The following CCDC38 variants were observed in gnomAD, a reference collection of about 807,000 sequenced individuals.
CCDC38 encodes the protein coiled-coil domain-containing protein 38.
Under a neutral mutation model 72.8 loss-of-function variants are expected in CCDC38, and 69 were observed. That is an observed-to-expected ratio of 0.95 (90% CI 0.78 to 1.16). CCDC38 has a LOEUF of 1.16. CCDC38 is among the 50% of genes most tolerant of loss of function. CCDC38 has a pLI of 0.00. For missense variants in CCDC38, 626 were observed against 638.9 expected, an observed-to-expected ratio of 0.98 and a Z score of 0.22; for synonymous variants, 201 against 213.2, an observed-to-expected ratio of 0.94 and a Z score of 0.50.
In CCDC38 at chr12:95,872,106, A is replaced by G. The variant is rs976725368; in HGVS notation, c.1484+149T>C. The G allele has an allele frequency of 7.0e-5, 47 of 672,868 alleles. 1 individual carries two copies. 41.7% of individuals were successfully genotyped at this position (672,868 alleles called of 1,614,324 possible). A position where few individuals can be genotyped will look rare whatever the true frequency, so the allele number is the denominator to read the frequency against. ...GATGAATGATCTCCCATGCTAAATAATAGCTATATGAGGAGAGCAGGGCTG... is the reference window on the plus strand; with the variant it reads ...GATGAATGATCTCCCATGCTAAATAGTAGCTATATGAGGAGAGCAGGGCTG... On this transcript the variant is annotated intron_variant, in intron 14 of 15. Transcript: ENST00000344280.
At chr12:95,885,201 C>T (rs2079745423) in intron 10 of CCDC38, 1 of 153,092 alleles carries the variant, frequency 6.5e-6, no homozygotes, top group Non-Finnish European at 1.5e-5. Context: ...GCGGGTCCTT[C>T]CTGTTTTCTC....
chr12:95,927,143 G>T (rs1304687426), intron 2 of CCDC38, among the ~76,000 whole-genome samples: 1 of 152,094 alleles, frequency 6.6e-6, no homozygotes, highest in Admixed American at 6.5e-5. Flanking sequence ...ACAGTGGGGT[G>T]TTAAAGTCTC....
intron 5 of CCDC38, among the ~76,000 whole-genome samples, chr12:95,904,287 A>C (rs571445254): frequency 7.9e-4 from 120 of 152,356 alleles, no homozygotes; most frequent in African/African-American, 2.8e-3. Context: ...TTTGAAAACT[A>C]TTACAAGTTA....
intron 4 of CCDC38, among the ~76,000 whole-genome samples, chr12:95,908,465 G>C (rs1376094127): frequency 0.12 from 29 of 252 alleles, 1 homozygote; most frequent in African/African-American, 0.36. Flanking sequence ...GAGAGGGAGA[G>C]GGAGAGGGAG....
At chr12:95,878,725 T>C (rs1455009450) in intron 12 of CCDC38, among the ~76,000 whole-genome samples, 1 of 152,128 alleles carries the variant, frequency 6.6e-6, no homozygotes, top group Admixed American at 6.6e-5. Context: ...CACCTAAAGA[T>C]TCTGATAAGA....
chr12:95,891,033 C>T lies in CCDC38; in HGVS notation c.773-103G>A, dbSNP rs1457747597. 1.8e-5 allele frequency: 11 copies of T among 623,362 alleles called. No individual in the cohort carries two copies. In the East Asian group the frequency reaches 3.1e-4, roughly 18 times the overall value. The allele number at this position is 623,362 out of a possible 1,614,324, so 38.6% of individuals were successfully genotyped here. On this transcript the variant is annotated intron_variant, in intron 8 of 15. Coordinates refer to ENST00000344280, the MANE Select transcript of CCDC38 (RefSeq NM_182496.3). ...CTCAGGGTGAAGATAGAGTTATTGT[C>T]AAAACTTCCAGGGACAGAAATATAA...
rs544139581 is a variant in CCDC38, at chr12:95,899,205, G to A, written c.370-474C>T. Among the ~76,000 whole-genome samples, 7 of 152,298 alleles carry A rather than the reference G, an allele frequency of 4.6e-5. No individual in the cohort carries two copies. The East Asian group carries it at 1.4e-3, about 29-fold the overall frequency. ...TACCACATCTAACTGTAATCAAAGA[G>A]GCCTGTTTAGATCCCCAAACACAAC... On this transcript the variant is annotated intron_variant, in intron 5 of 15. Coordinates refer to ENST00000344280, the MANE Select transcript of CCDC38 (RefSeq NM_182496.3).
At chr12:95,931,404 C>T (rs2136739950) in intron 2 of CCDC38, among the ~76,000 whole-genome samples, 1 of 152,318 alleles carries the variant, frequency 6.6e-6, no homozygotes, top group South Asian at 2.1e-4. Context: ...TTTGCAAAGT[C>T]CCTTTTGCCA....
intron 5 of CCDC38, 73 bp from the exon 6 acceptor site, chr12:95,898,804 G>T: frequency 1.5e-6 from 2 of 1,377,024 alleles, no homozygotes; most frequent in Non-Finnish European, 1.0e-6. Context: ...CTTATACACA[G>T]CAAGTGAACA....
intron 2 of CCDC38, among the ~76,000 whole-genome samples, chr12:95,922,849 G>T (rs2080224070): frequency 6.6e-6 from 1 of 152,120 alleles, no homozygotes; most frequent in Non-Finnish European, 1.5e-5. Context: ...AAGGACCTGG[G>T]GCCAGGTGCC....
At chr12:95,919,549 C>T (rs1412165041) in intron 2 of CCDC38, 5 of 455,956 alleles carry the variant, frequency 1.1e-5, no homozygotes, top group Admixed American at 7.0e-5. Flanking sequence ...TGCAGATAGC[C>T]TTGCCTCCAC....
At chr12:95,885,277 G>A (rs1438448319) in intron 10 of CCDC38, 1 of 153,502 alleles carries the variant, frequency 6.5e-6, no homozygotes, top group African/African-American at 2.4e-5. Context: ...GGATAAAGAA[G>A]ACACTGTTTG....
At chr12:95,917,940 C>A (rs554717735) in intron 3 of CCDC38, among the ~76,000 whole-genome samples, 1 of 151,918 alleles carries the variant, frequency 6.6e-6, no homozygotes, top group Non-Finnish European at 1.5e-5. Context: ...GGGATCTCCC[C>A]AGTAGATATT....
At chr12:95,926,967 T>A (rs544133460) in intron 2 of CCDC38, among the ~76,000 whole-genome samples, 6 of 152,174 alleles carry the variant, frequency 3.9e-5, no homozygotes, top group African/African-American at 1.4e-4. Context: ...TCCAAGTATG[T>A]GGTCAATTTT....
intron 1 of CCDC38, among the ~76,000 whole-genome samples, chr12:95,939,517 G>A (rs962848505): frequency 4.6e-5 from 7 of 152,156 alleles, no homozygotes; most frequent in Admixed American, 2.6e-4. Context: ...GAGGTGGTCC[G>A]ATTCTAGATG....
chr12:95,907,061 A>T (rs2080012685), intron 4 of CCDC38, among the ~76,000 whole-genome samples: 1 of 142,646 alleles, frequency 7.0e-6, no homozygotes, highest in East Asian at 1.9e-4. Context: ...TCTGTTTAAC[A>T]AAGCACATCT....
Position 95,879,660 on chromosome 12 carries a change from C to T in CCDC38, c.1126G>A (p.Val376Ile), listed in dbSNP as rs759430338. The T allele has an allele frequency of 5.7e-6, 9 of 1,591,312 alleles. No individual in the cohort carries two copies. The highest frequency in any genetic ancestry group is 7.7e-6 in the Non-Finnish European group (9 of 1,162,646). The change falls in exon 12 of 16, where the codon GTT (valine) becomes ATT (isoleucine). Residue 376 changes from valine (V) to isoleucine (I), a missense_variant. By Grantham distance (29) the Val-to-Ile change is conservative (BLOSUM62 3). Transcript: ENST00000344280. This position sits in a 1 kb window ranked among gnomAD's most constrained non-coding sequence, Gnocchi z 5.5. ...NLEEVNKREKVIQDKTNSNIE... is the reference protein window; with the variant it reads ...NLEEVNKREKIIQDKTNSNIE... Reference sequence around the variant, plus strand: ...ATGACTTACGTTTTATCCTGTATAACTTTTTCTCTTTTGTTTACCTCTTCA... The same window carrying T: ...ATGACTTACGTTTTATCCTGTATAATTTTTTCTCTTTTGTTTACCTCTTCA...
chr12:95,899,457 G>A (rs903540523), intron 5 of CCDC38, among the ~76,000 whole-genome samples: 1 of 152,028 alleles, frequency 6.6e-6, no homozygotes, highest in Non-Finnish European at 1.5e-5. Flanking sequence ...ACACCACCAT[G>A]CCCAGCTCAT....
chr12:95,899,042 G>C (rs967320527), intron 5 of CCDC38, among the ~76,000 whole-genome samples: 3 of 152,142 alleles, frequency 2.0e-5, no homozygotes, highest in African/African-American at 7.2e-5. Context: ...TTACCCTCCA[G>C]TACTTTCTGG....
Sources: gnomAD v4.1 joint callset for allele counts (sites outside exome capture counted in the v4.1 genomes callset) on GRCh38, gnomAD v4.1.1 for gene constraint, Gnocchi (gnomAD v3.1) non-coding constraint, MANE v1.5 for transcripts, NCBI Gene and HGNC (gene_info 2026-07-23, HGNC 2026-07-21) for gene names.